Variants in CCNB1 observed in about 807,000 individuals in gnomAD.
CCNB1 encodes the protein cyclin B1, also known as G2/mitotic-specific cyclin-B1.
A neutral mutation model predicts 44.4 loss-of-function variants in CCNB1; 26 were observed. The observed-to-expected ratio is 0.59, with a 90% CI of 0.43 to 0.81. The LOEUF is 0.81. Among genes scored for constraint, CCNB1 ranks in the 40% least tolerant of loss-of-function variants. The pLI is 0.00. For missense variants in CCNB1, 477 were observed against 520.9 expected (o/e 0.92, Z 0.82); for synonymous variants, 195 against 181.4 (o/e 1.08, Z -0.60).
Position 69,177,271 on chromosome 5 carries a change from T to C in CCNB1, c.1116T>C (p.Thr372=). 1 of 1,610,988 alleles carries C rather than the reference T, an allele frequency of 6.2e-7. No individual in the cohort carries two copies. The highest frequency in any genetic ancestry group is 1.1e-5 in the South Asian group (1 of 90,966). ...TPTLQHYLSY[T]EESLLPVMQH... is the part of the protein sequence containing the mutation. The stretch of plus-strand genomic sequence containing the variant: ...CTCTACAACATTACCTGTCATATAC[T>C]GAAGAATCTCTTCTTCCAGTTATGC... Residue 372 remains threonine (T), a synonymous_variant, in exon 8 of 9, where the codon ACT becomes ACC. Transcript: ENST00000256442.
At chr5:69,170,130 A>AT (rs1391887439) in intron 3 of CCNB1, among the ~76,000 whole-genome samples, 2 of 150,932 alleles carry the variant, frequency 1.3e-5, no homozygotes, top group Non-Finnish European at 1.5e-5. Context: ...CACCCAGCTA[A>AT]TTTTTTTATT....
chr5:69,177,869 GTA>G lies in CCNB1; in HGVS notation c.*242_*243del, dbSNP rs1747632589. 2.3e-6 allele frequency: 1 copy of G among 429,164 alleles called. No individual in the cohort carries two copies. The highest frequency in any genetic ancestry group is 4.0e-5 in the East Asian group (1 of 24,844). 26.6% of individuals were successfully genotyped at this position (429,164 alleles called of 1,614,324 possible). A position where few individuals can be genotyped will look rare whatever the true frequency, so the allele number is the denominator to read the frequency against. On this transcript the variant is annotated 3_prime_UTR_variant, in exon 9 of 9. Coordinates refer to ENST00000256442, the MANE Select transcript of CCNB1 (RefSeq NM_031966.4). The stretch of plus-strand genomic sequence containing the variant: ...TGGTTTACCTGGGGATCCAATTGAT[GTA>G]TATGTTTATATACTGGGTTCTTGTT...
chr5:69,168,467 G>A (rs1747389919), intron 3 of CCNB1, 124 bp downstream of exon 3: 3 of 1,117,076 alleles, frequency 2.7e-6, no homozygotes, highest in Admixed American at 4.0e-5. Flanking sequence ...TTAGCATGAG[G>A]CAAGCTCTGC....
At chr5:69,173,005 C>T (rs972531367) in intron 4 of CCNB1, among the ~76,000 whole-genome samples, 3 of 151,664 alleles carry the variant, frequency 2.0e-5, no homozygotes, top group African/African-American at 7.3e-5. Context: ...AATCTCCTGA[C>T]CTCATGATCC....
chr5:69,171,232 C>T (rs1747452182), intron 3 of CCNB1, 38 bp from the exon 4 acceptor site: 1 of 1,537,614 alleles, frequency 6.5e-7, no homozygotes, highest in African/African-American at 1.4e-5. Context: ...ATAGTGCTTA[C>T]TTCTATTTGC....
intron 2 of CCNB1, 45 bp downstream of exon 2, chr5:69,168,123 A>G: frequency 1.9e-6 from 3 of 1,611,322 alleles, no homozygotes; most frequent in Non-Finnish European, 2.5e-6. Context: ...CCGCCTTCCA[A>G]CTGTGGCCTT....
chr5:69,168,607 A>T (rs1456569861), intron 3 of CCNB1, among the ~76,000 whole-genome samples: 1 of 152,208 alleles, frequency 6.6e-6, no homozygotes, highest in African/African-American at 2.4e-5. Flanking sequence ...CCCATATGGG[A>T]TTCAAGCTCA....
rs765963344 is a variant in CCNB1, at chr5:69,167,979, T to C, written c.93T>C (p.Pro31=). 22 of 1,614,064 alleles carry C rather than the reference T, an allele frequency of 1.4e-5. No homozygotes were observed. The highest frequency in any genetic ancestry group is 1.9e-5 in the Non-Finnish European group (22 of 1,180,036). ...MAGAKRVPTA[P]AATSKPGLRP... ...GCGCAAAGCGCGTTCCTACGGCCCC[T>C]GCTGCAACCTCCAAGCCCGGACTGA... is the stretch of plus-strand genomic sequence containing the variant. Residue 31 remains proline (P), a synonymous_variant, in exon 2 of 9, where the codon CCT becomes CCC. Coordinates refer to ENST00000256442, the MANE Select transcript of CCNB1 (RefSeq NM_031966.4).
chr5:69,168,369 G>A (rs1747387256), intron 3 of CCNB1, 26 bp downstream of exon 3: 2 of 1,613,190 alleles, frequency 1.2e-6, no homozygotes, highest in African/African-American at 2.7e-5. Context: ...CCATTGTAGA[G>A]TCTGTTGATT....
chr5:69,167,363 C>A (rs761138415), intron 1 of CCNB1, 80 bp downstream of exon 1: 2 of 1,540,290 alleles, frequency 1.3e-6, no homozygotes, highest in Non-Finnish European at 1.8e-6. Flanking sequence ...GGGAGCCTCC[C>A]GAGCGGGAGA....
At chr5:69,175,137 T>C (rs150507468) in intron 6 of CCNB1, 24 bp downstream of exon 6, 1 of 1,512,708 alleles carries the variant, frequency 6.6e-7, no homozygotes, top group African/African-American at 1.4e-5. Flanking sequence ...GAGAAACCTC[T>C]CCGTATGGGT....
intron 6 of CCNB1, 120 bp from the exon 7 acceptor site, chr5:69,175,277 T>C (rs1027446751): frequency 9.4e-6 from 10 of 1,066,406 alleles, no homozygotes; most frequent in Non-Finnish European, 1.2e-5. Context: ...ATTAGGACTT[T>C]CCATGGGCAT....
Position 69,177,872 on chromosome 5 carries a change from T to C in CCNB1, c.*241T>C, listed in dbSNP as rs1284041504. 18 of 419,116 alleles carry C rather than the reference T, an allele frequency of 4.3e-5. No homozygotes were observed. The highest frequency in any genetic ancestry group is 4.3e-5 in the Non-Finnish European group (10 of 234,210). 26.0% of individuals were successfully genotyped at this position (419,116 alleles called of 1,614,324 possible). A position where few individuals can be genotyped will look rare whatever the true frequency, so the allele number is the denominator to read the frequency against. ...TTTACCTGGGGATCCAATTGATGTA[T>C]ATGTTTATATACTGGGTTCTTGTTT... On this transcript the variant is annotated 3_prime_UTR_variant, in exon 9 of 9. Coordinates refer to ENST00000256442, the MANE Select transcript of CCNB1 (RefSeq NM_031966.4).
intron 4 of CCNB1, among the ~76,000 whole-genome samples, chr5:69,171,740 C>T (rs992717684): frequency 2.0e-5 from 3 of 152,152 alleles, no homozygotes; most frequent in Non-Finnish European, 4.4e-5. Context: ...ATCTCCACCA[C>T]GTTTGGAATG....
At chr5:69,175,591 A>T (rs1747567098) in intron 7 of CCNB1, 54 bp downstream of exon 7, 1 of 1,545,938 alleles carries the variant, frequency 6.5e-7, no homozygotes, top group Non-Finnish European at 8.8e-7. Flanking sequence ...GAGTGACTAA[A>T]TACAGAACTT....
intron 3 of CCNB1, 87 bp downstream of exon 3, chr5:69,168,430 G>C: frequency 6.8e-7 from 1 of 1,466,790 alleles, no homozygotes; most frequent in Admixed American, 1.8e-5. Flanking sequence ...CAAATGAATA[G>C]TAATATTAAT....
intron 7 of CCNB1, 42 bp from the exon 8 acceptor site, chr5:69,177,197 A>G (rs1429817412): frequency 1.8e-6 from 2 of 1,106,924 alleles, no homozygotes; most frequent in Non-Finnish European, 2.8e-6. Flanking sequence ...TATGAAAATC[A>G]TTATTGATTT....
chr5:69,175,905 A>G (rs998687471), intron 7 of CCNB1, among the ~76,000 whole-genome samples: 2 of 150,976 alleles, frequency 1.3e-5, no homozygotes, highest in Non-Finnish European at 2.9e-5. Context: ...CCAAATCATC[A>G]CACTTATGAA....
rs755819241 is a variant in CCNB1, at chr5:69,174,882, T to C, written c.711T>C (p.Asn237=). The change falls in exon 6 of 9, where the codon AAT becomes AAC. Residue 237 remains asparagine (N), a synonymous_variant. Transcript: ENST00000256442. ...TATTGAAATTCCCATTGCAGAATAA[T>C]TGTGTGCCCAAGAAGATGCTGCAGC... ...VSIIDRFMQN[N]CVPKKMLQLV... 1 of 1,613,422 alleles carries C rather than the reference T, an allele frequency of 6.2e-7. No homozygotes were observed. Among genetic ancestry groups the C allele is most frequent in the Non-Finnish European group, 8.5e-7 (1 of 1,179,346 alleles).
Sources: gnomAD v4.1 joint callset for allele counts (sites outside exome capture counted in the v4.1 genomes callset) on GRCh38, gnomAD v4.1.1 for gene constraint, MANE v1.5 for transcripts, NCBI Gene and HGNC (gene_info 2026-07-23, HGNC 2026-07-21) for gene names.